XPO4: variants seen among roughly 807,000 people sequenced by gnomAD.
XPO4 encodes the protein exportin-4.
Under a neutral mutation model 143.0 loss-of-function variants are expected in XPO4, and 39 were observed. The ratio of observed to expected loss-of-function variants is 0.27; its 90% CI spans 0.21 to 0.36. XPO4 has a LOEUF of 0.36. XPO4 is among the 10% of genes least tolerant of loss of function. The pLI is 1.00. For synonymous variants in XPO4, 439 were observed against 474.0 expected, an observed-to-expected ratio of 0.93 and a Z score of 0.96; for missense variants, 907 against 1,348.0, an observed-to-expected ratio of 0.67 and a Z score of 5.12.
chr13:20,806,719 A>G (rs1197929895), intron 13 of XPO4, among the ~76,000 whole-genome samples: 1 of 151,444 alleles, frequency 6.6e-6, no homozygotes, highest in Non-Finnish European at 1.5e-5. Flanking sequence ...CATCCAGCTA[A>G]TTTTTGCAGG....
At position 20,807,525 on chromosome 13, in the gene XPO4, T is replaced by G. The variant is rs763316806; in HGVS notation, c.1749A>C (p.Gln583His). The change falls in exon 13 of 23, where the codon CAA (glutamine) becomes CAC (histidine). Residue 583 changes from glutamine to histidine, a missense_variant. Coordinates refer to ENST00000255305, the MANE Select transcript of XPO4 (RefSeq NM_022459.5). Reference sequence around the variant, plus strand: ...CCTTTTCTCCTGGAGATCCCAAAATTTGAAGTGTTGTATTAATGTCAACTT... The same window carrying G: ...CCTTTTCTCCTGGAGATCCCAAAATGTGAAGTGTTGTATTAATGTCAACTT... The part of the protein sequence containing the change: ...SSEVDINTTL[Q>H]ILGSPGEKAS... 3 of 1,613,720 alleles carry G rather than the reference T, an allele frequency of 1.9e-6. No individual in the cohort carries two copies. The highest frequency in any genetic ancestry group is 2.5e-6 in the Non-Finnish European group (3 of 1,179,872).
chr13:20,899,107 A>C (rs2060595593), intron 1 of XPO4, among the ~76,000 whole-genome samples: 1 of 152,126 alleles, frequency 6.6e-6, no homozygotes, highest in African/African-American at 2.4e-5. Flanking sequence ...AAAGAAAGGG[A>C]GGGGATCGGG....
chr13:20,792,216 T>A (rs2059291305), intron 18 of XPO4, among the ~76,000 whole-genome samples: 1 of 151,970 alleles, frequency 6.6e-6, no homozygotes, highest in South Asian at 2.1e-4. Context: ...GAGGCTGAGG[T>A]GGGCAGATCC....
intron 13 of XPO4, 127 bp from the exon 14 acceptor site, chr13:20,801,117 A>ATTTCATCTACAGAGT: frequency 9.8e-7 from 1 of 1,021,854 alleles, no homozygotes; most frequent in East Asian, 2.6e-5. Flanking sequence ...ATACTTGAAC[A>ATTTCATCTACAGAGT]TTTCATCTAC....
chr13:20,810,034 T>A (rs2059557526), intron 9 of XPO4, 67 bp from the exon 10 acceptor site: 1 of 1,322,042 alleles, frequency 7.6e-7, no homozygotes. Context: ...AACAGTCATA[T>A]AAATACATAC....
At chr13:20,785,976 G>GGAAGGAAGGA (rs1193163197) in intron 22 of XPO4, among the ~76,000 whole-genome samples, 6 of 142,032 alleles carry the variant, frequency 4.2e-5, no homozygotes, top group African/African-American at 1.6e-4. Flanking sequence ...AAGAAAAAGA[G>GGAAGGAAGGA]AGGAAGGAAG....
chr13:20,902,224 A>G (rs1337753471), intron 1 of XPO4: 4 of 985,212 alleles, frequency 4.1e-6, no homozygotes, highest in Non-Finnish European at 4.8e-6. Context: ...ATGCACAGGA[A>G]ACAAGGGTTG....
intron 18 of XPO4, among the ~76,000 whole-genome samples, chr13:20,792,101 G>A (rs566478637): frequency 2.2e-4 from 34 of 152,316 alleles, no homozygotes; most frequent in African/African-American, 8.2e-4. Flanking sequence ...TGGGCTCCAA[G>A]AGGGCTCAGT....
chr13:20,845,969 G>A (rs753528551), intron 4 of XPO4, among the ~76,000 whole-genome samples: 8 of 152,234 alleles, frequency 5.3e-5, no homozygotes, highest in Non-Finnish European at 1.0e-4. Flanking sequence ...CTAAATGTTT[G>A]AGAAAACTTG....
intron 20 of XPO4, among the ~76,000 whole-genome samples, chr13:20,787,871 T>C (rs1322958137): frequency 6.6e-6 from 1 of 152,148 alleles, no homozygotes; most frequent in Non-Finnish European, 1.5e-5. Flanking sequence ...CATATTATTC[T>C]CTACAATCAG....
rs1595044361 is a variant in XPO4 at position 20,783,647 on chromosome 13, C to G, written c.*75G>C. The stretch of plus-strand genomic sequence containing the variant: ...TGGCCAAATGAACTGAGGAATAGGA[C>G]AAGACTCAAGTCAACTTTCAGCAAT... On this transcript the variant is annotated 3_prime_UTR_variant, in exon 23 of 23. Coordinates refer to ENST00000255305, the MANE Select transcript of XPO4 (RefSeq NM_022459.5). The G allele has an allele frequency of 4.6e-6, 7 of 1,518,014 alleles. No homozygotes were observed. The East Asian group carries it at 1.4e-4, about 29-fold the overall frequency. The allele number at this position is 1,518,014 out of a possible 1,614,324, so 94.0% of individuals were successfully genotyped here.
chr13:20,804,204 T>TACACACATTATATATATATACAC (rs2059473680), intron 13 of XPO4, among the ~76,000 whole-genome samples: 1 of 150,540 alleles, frequency 6.6e-6, no homozygotes, highest in Non-Finnish European at 1.5e-5. Flanking sequence ...TCTATATATA[T>TACACACATTATATATATATACAC]ACACACATTA....
intron 15 of XPO4, 51 bp downstream of exon 15, chr13:20,800,105 T>A: frequency 6.3e-7 from 1 of 1,578,554 alleles, no homozygotes; most frequent in Non-Finnish European, 8.6e-7. Context: ...TGAAAAAGAG[T>A]TTCTCACCCA....
chr13:20,873,786 A>C (rs1199002118), intron 1 of XPO4, among the ~76,000 whole-genome samples: 1 of 152,130 alleles, frequency 6.6e-6, no homozygotes, highest in Non-Finnish European at 1.5e-5. Flanking sequence ...ACGCACCACC[A>C]TGCCCAGCTA....
intron 13 of XPO4, among the ~76,000 whole-genome samples, 196 bp from the exon 14 acceptor site, chr13:20,801,186 T>A (rs1218650534): frequency 6.6e-6 from 1 of 152,218 alleles, no homozygotes; most frequent in Non-Finnish European, 1.5e-5. Flanking sequence ...GGAGACAAGA[T>A]AAGGAAAGGA....
At chr13:20,868,368 T>A (rs935660011) in intron 2 of XPO4, 4 of 516,340 alleles carry the variant, frequency 7.7e-6, no homozygotes, top group Non-Finnish European at 1.2e-5. Flanking sequence ...ATAAAACAAA[T>A]TATGAACACT....
At chr13:20,808,639 C>G in intron 11 of XPO4, 58 bp from the exon 12 acceptor site, 1 of 1,385,444 alleles carries the variant, frequency 7.2e-7, no homozygotes, top group Non-Finnish European at 9.7e-7. Context: ...CATGGAACAA[C>G]TTACAACTTC....
intron 4 of XPO4, chr13:20,848,541 C>G (rs2060050700): frequency 1.0e-6 from 1 of 985,132 alleles, no homozygotes; most frequent in South Asian, 4.7e-5. Context: ...TTATCATTAT[C>G]ATAGAAAATG....
intron 3 of XPO4, among the ~76,000 whole-genome samples, chr13:20,860,576 T>C (rs866232358): frequency 2.2e-4 from 33 of 152,220 alleles, no homozygotes; most frequent in Admixed American, 1.6e-3. Flanking sequence ...TTGCTGACAT[T>C]GTCAAGACCT....
Sources: gnomAD v4.1 joint callset for allele counts (sites outside exome capture counted in the v4.1 genomes callset) on GRCh38, gnomAD v4.1.1 for gene constraint, MANE v1.5 for transcripts, NCBI Gene and HGNC (gene_info 2026-07-23, HGNC 2026-07-21) for gene names.